Variants in CENPP observed in about 807,000 individuals in gnomAD.
CENPP encodes centromere protein P.
CENPP carries 24 observed loss-of-function variants against 35.6 expected under a neutral mutation model. That is an observed-to-expected ratio of 0.67 (90% CI 0.49 to 0.95). The LOEUF (loss-of-function observed/expected upper bound fraction) is 0.95. Among genes scored for constraint, CENPP ranks in the 40% least tolerant of loss-of-function variants. CENPP has a pLI of 0.00. For synonymous variants in CENPP, 120 were observed against 125.5 expected (o/e 0.96, Z 0.29); for missense variants, 332 against 345.3 (o/e 0.96, Z 0.31).
At chr9:92,496,870 T>G (rs1325274495) in intron 5 of CENPP, among the ~76,000 whole-genome samples, 1 of 151,988 alleles carries the variant, frequency 6.6e-6, no homozygotes, top group Non-Finnish European at 1.5e-5. Flanking sequence ...TGGAAAATGC[T>G]CAGTTTCATT....
intron 5 of CENPP, among the ~76,000 whole-genome samples, chr9:92,543,162 T>C (rs745368578): frequency 5.3e-5 from 8 of 152,176 alleles, no homozygotes; most frequent in Non-Finnish European, 1.0e-4. Flanking sequence ...TGCCTCCAAC[T>C]TTGTTTTCTT....
intron 3 of CENPP, among the ~76,000 whole-genome samples, chr9:92,338,436 T>G (rs562154496): frequency 1.3e-5 from 2 of 152,304 alleles, no homozygotes; most frequent in South Asian, 4.1e-4. Flanking sequence ...CGTGTAGTGT[T>G]TACCTATAAT....
At position 92,611,207 on chromosome 9, in the gene CENPP, T is replaced by A; in HGVS notation, c.565-107T>A. 4 of 877,620 alleles carry A rather than the reference T, an allele frequency of 4.6e-6. No homozygotes were observed. In the South Asian group the frequency reaches 5.7e-5, roughly 13 times the overall value. 54.4% of individuals were successfully genotyped at this position (877,620 alleles called of 1,614,324 possible). A position where few individuals can be genotyped will look rare whatever the true frequency, so the allele number is the denominator to read the frequency against. On this transcript the variant is annotated intron_variant, in intron 5 of 7. Coordinates refer to ENST00000375587, the MANE Select transcript of CENPP (RefSeq NM_001012267.3). The stretch of plus-strand genomic sequence containing the variant: ...GCACCCATGGATGCTGCGCAAACAC[T>A]CGGACCCTGATTTTCGCCAGACACC...
chr9:92,563,843 G>C (rs1435826797), intron 5 of CENPP, among the ~76,000 whole-genome samples: 1 of 151,910 alleles, frequency 6.6e-6, no homozygotes, highest in Admixed American at 6.6e-5. Context: ...TGTGAGGCTG[G>C]AGGGTTGAGT....
At chr9:92,542,423 G>T (rs1331147427) in intron 5 of CENPP, among the ~76,000 whole-genome samples, 2 of 151,072 alleles carry the variant, frequency 1.3e-5, no homozygotes, top group East Asian at 1.9e-4. Flanking sequence ...TTTTGCTTTT[G>T]TTGCCTGTGC....
At chr9:92,382,957 G>A (rs1015082179) in intron 5 of CENPP, among the ~76,000 whole-genome samples, 2 of 130,500 alleles carry the variant, frequency 1.5e-5, no homozygotes, top group African/African-American at 5.8e-5. Flanking sequence ...AGAGTGCAGT[G>A]ATGCGATCTT....
intron 4 of CENPP, among the ~76,000 whole-genome samples, chr9:92,352,041 T>TA (rs1006059507): frequency 2.7e-5 from 4 of 146,580 alleles, no homozygotes; most frequent in African/African-American, 7.6e-5. Context: ...TTTTTTTTTT[T>TA]AAGCACCACA....
intron 4 of CENPP, among the ~76,000 whole-genome samples, chr9:92,355,216 G>A (rs750499280): frequency 4.6e-5 from 7 of 152,222 alleles, no homozygotes; most frequent in Non-Finnish European, 7.3e-5. Flanking sequence ...AGACCAGGGC[G>A]TATCTCAGTC....
At chr9:92,590,703 G>A (rs1490654815) in intron 5 of CENPP, among the ~76,000 whole-genome samples, 1 of 152,218 alleles carries the variant, frequency 6.6e-6, no homozygotes, top group Non-Finnish European at 1.5e-5. Context: ...TGTTTGGTCA[G>A]CTTTGGCTTC....
intron 5 of CENPP, among the ~76,000 whole-genome samples, chr9:92,406,586 G>T (rs530148319): frequency 2.0e-5 from 3 of 152,212 alleles, no homozygotes; most frequent in Admixed American, 2.0e-4. Flanking sequence ...CAGGAATTTG[G>T]CGTGTCTTTG....
chr9:92,457,309 C>G (rs774720272), intron 5 of CENPP: 2 of 1,613,898 alleles, frequency 1.2e-6, no homozygotes, highest in African/African-American at 2.7e-5. Flanking sequence ...AGTTCCCAAG[C>G]TGAACGCTCA....
intron 5 of CENPP, among the ~76,000 whole-genome samples, chr9:92,453,951 A>G (rs1844795508): frequency 6.6e-6 from 1 of 152,036 alleles, no homozygotes; most frequent in South Asian, 2.1e-4. Flanking sequence ...GAAAGACCTC[A>G]TCTCAGGAAA....
At chr9:92,415,461 C>T (rs759835154) in intron 5 of CENPP, 2 of 1,601,468 alleles carry the variant, frequency 1.2e-6, no homozygotes, top group Non-Finnish European at 1.7e-6. Flanking sequence ...AAGGACACAT[C>T]ACTGTAAGAT....
chr9:92,601,008 G>GT (rs1432514873), intron 5 of CENPP, among the ~76,000 whole-genome samples: 4 of 152,078 alleles, frequency 2.6e-5, no homozygotes, highest in East Asian at 1.9e-4. Context: ...GTGCTCCCTT[G>GT]TTTTTTACCA....
chr9:92,366,603 G>A (rs939246499), intron 4 of CENPP, among the ~76,000 whole-genome samples: 14 of 152,122 alleles, frequency 9.2e-5, no homozygotes, highest in Admixed American at 1.3e-4. Context: ...TTCAGTATTT[G>A]TGGTCTTTTT....
chr9:92,596,445 CAAAAAAAAAAAA>C (rs60383394), intron 5 of CENPP, among the ~76,000 whole-genome samples: 4 of 72,002 alleles, frequency 5.6e-5, no homozygotes, highest in African/African-American at 2.3e-4. Flanking sequence ...GACCCTGTGT[CAAAAAAAAAAAA>C]AAAAAAAAAA....
chr9:92,376,716 C>CT (rs976710433), intron 4 of CENPP, among the ~76,000 whole-genome samples: 2 of 152,126 alleles, frequency 1.3e-5, no homozygotes, highest in African/African-American at 4.8e-5. Context: ...ATGTTGCCTG[C>CT]TTTTTTACTG....
intron 1 of CENPP, among the ~76,000 whole-genome samples, chr9:92,328,682 A>G (rs1840643167): frequency 6.6e-6 from 1 of 152,236 alleles, no homozygotes; most frequent in Non-Finnish European, 1.5e-5. Context: ...TTCTGACAAA[A>G]AATTTTTATG....
At chr9:92,436,426 T>C (rs1844247620) in intron 5 of CENPP, among the ~76,000 whole-genome samples, 1 of 152,182 alleles carries the variant, frequency 6.6e-6, no homozygotes, top group Non-Finnish European at 1.5e-5. Context: ...AGTTTATTGA[T>C]TCTTTTTTCT....
Sources: gnomAD v4.1 joint callset for allele counts (sites outside exome capture counted in the v4.1 genomes callset) on GRCh38, gnomAD v4.1.1 for gene constraint, MANE v1.5 for transcripts, NCBI Gene and HGNC (gene_info 2026-07-23, HGNC 2026-07-21) for gene names.